Variants in EYS observed in about 807,000 individuals in gnomAD.
The protein encoded by EYS is EGF-like photoreceptor maintenance factor.
EYS carries 250 observed loss-of-function variants against 282.1 expected under a neutral mutation model. The observed-to-expected ratio is 0.89, with a 90% CI of 0.80 to 0.98. EYS has a LOEUF of 0.98. Among genes scored for constraint, EYS ranks in the 50% least tolerant of loss-of-function variants. EYS has a pLI of 0.00. For missense variants in EYS, 4,016 were observed against 3,709.0 expected (o/e 1.08, Z -2.15); for synonymous variants, 1,355 against 1,282.9 (o/e 1.06, Z -1.20).
intron 1 of EYS, among the ~76,000 whole-genome samples, chr6:65,702,534 A>C (rs1050840826): frequency 3.9e-5 from 6 of 152,110 alleles, no homozygotes; most frequent in African/African-American, 1.4e-4. Flanking sequence ...TCTACTAAAA[A>C]TACAAAAATT....
chr6:64,741,033 C>T (rs565655803), intron 22 of EYS, among the ~76,000 whole-genome samples: 1 of 152,228 alleles, frequency 6.6e-6, no homozygotes, highest in Admixed American at 6.5e-5. Flanking sequence ...TTAATGACAT[C>T]TAGCATGATG....
intron 13 of EYS, among the ~76,000 whole-genome samples, chr6:65,027,380 T>G (rs1772454220): frequency 6.6e-6 from 1 of 152,226 alleles, no homozygotes; most frequent in African/African-American, 2.4e-5. Context: ...TTAGCAGATT[T>G]GTGACAGTCT....
chr6:64,378,214 A>G (rs899801782), intron 29 of EYS, among the ~76,000 whole-genome samples: 13 of 152,190 alleles, frequency 8.5e-5, no homozygotes, highest in Non-Finnish European at 1.5e-5. Context: ...TGGAAGTATG[A>G]AAATAATTTT....
At chr6:65,121,072 A>T (rs148237590) in intron 12 of EYS, among the ~76,000 whole-genome samples, 37 of 151,086 alleles carry the variant, frequency 2.4e-4, no homozygotes, top group Non-Finnish European at 4.3e-4. Flanking sequence ...TGACTCTACT[A>T]CTTTCTCAGA....
At chr6:65,122,804 T>C (rs751490866) in intron 12 of EYS, among the ~76,000 whole-genome samples, 51 of 152,208 alleles carry the variant, frequency 3.4e-4, no homozygotes, top group Non-Finnish European at 6.6e-4. Flanking sequence ...ATATCAATTT[T>C]AGAAATAAAA....
intron 13 of EYS, among the ~76,000 whole-genome samples, chr6:65,055,307 A>G (rs551806113): frequency 6.6e-6 from 1 of 152,166 alleles, no homozygotes; most frequent in South Asian, 2.1e-4. Context: ...TTGAATCAGA[A>G]ATTATTTGCA....
chr6:64,945,786 T>C lies in EYS; in HGVS notation c.2381+7A>G, dbSNP rs1002514488. On this transcript the variant is annotated splice_region_variant and intron_variant, in intron 15 of 42. Transcript: ENST00000503581. ...TTCATGAAGAAAGCTAAAAATATGT[T>C]ACTCACCGATAGCTTTTGTAAAGGT... 6.5e-7 allele frequency: 1 copy of C among 1,548,622 alleles called. No homozygotes were observed. The highest frequency in any genetic ancestry group is 1.4e-5 in the African/African-American group (1 of 72,868).
chr6:65,062,712 T>TAACA (rs2150160433), intron 12 of EYS, among the ~76,000 whole-genome samples: 1 of 152,094 alleles, frequency 6.6e-6, no homozygotes, highest in South Asian at 2.1e-4. Flanking sequence ...GGTCTTGCTC[T>TAACA]AACAACTTCT....
chr6:64,175,164 A>G (rs1203678139), intron 31 of EYS, among the ~76,000 whole-genome samples: 1 of 152,120 alleles, frequency 6.6e-6, no homozygotes, highest in Non-Finnish European at 1.5e-5. Context: ...ATAATATCTG[A>G]TTCCTTGGGT....
At chr6:63,987,723 T>C (rs1375009129) in intron 34 of EYS, among the ~76,000 whole-genome samples, 4 of 151,610 alleles carry the variant, frequency 2.6e-5, no homozygotes, top group Admixed American at 6.6e-5. Flanking sequence ...GTATTACAGA[T>C]ACAATAAAAT....
intron 2 of EYS, among the ~76,000 whole-genome samples, chr6:65,500,480 A>C (rs1766411087): frequency 6.6e-6 from 1 of 151,976 alleles, no homozygotes; most frequent in East Asian, 1.9e-4. Context: ...TGATGCTATA[A>C]GCGCAGGTAG....
intron 16 of EYS, among the ~76,000 whole-genome samples, chr6:64,906,754 A>G (rs539332875): frequency 1.6e-3 from 242 of 152,334 alleles, no homozygotes; most frequent in Non-Finnish European, 2.9e-3. Context: ...TTGAAGACAT[A>G]CAAAGTAGCT....
At chr6:63,873,464 C>A (rs879217289) in intron 35 of EYS, among the ~76,000 whole-genome samples, 2 of 152,118 alleles carry the variant, frequency 1.3e-5, no homozygotes, top group Non-Finnish European at 2.9e-5. Context: ...AATAAACATA[C>A]ATGTGCATGT....
In EYS at chr6:65,495,077, C is replaced by G. The variant is rs112609906; in HGVS notation, c.334G>C (p.Val112Leu). The change falls in exon 4 of 43, where the codon GTT becomes CTT. Residue 112 changes from valine to leucine, a missense_variant. Transcript: ENST00000503581. ...NLMNVSETSF[V>L]GCVQNTTTED... ...GTTGTGGTATTTTGCACACAGCCAACGAAAGATGTTTCAGAAACATTCATC... is the reference window on the plus strand; with the variant it reads ...GTTGTGGTATTTTGCACACAGCCAAGGAAAGATGTTTCAGAAACATTCATC... 1.2e-4 allele frequency: 197 copies of G among 1,614,104 alleles called. No individual in the cohort carries two copies. In the East Asian group the frequency reaches 3.4e-3, roughly 28 times the overall value.
At chr6:65,160,505 G>A (rs1427504101) in intron 12 of EYS, among the ~76,000 whole-genome samples, 1 of 150,560 alleles carries the variant, frequency 6.6e-6, no homozygotes, top group Non-Finnish European at 1.5e-5. Flanking sequence ...TCAAAGTTGG[G>A]GGCACTTATC....
intron 21 of EYS, among the ~76,000 whole-genome samples, chr6:64,818,296 A>C (rs1764799771): frequency 6.6e-6 from 1 of 152,128 alleles, no homozygotes; most frequent in African/African-American, 2.4e-5. Flanking sequence ...CTCCCCAGGC[A>C]TGCATTTGCT....
chr6:65,153,528 A>G (rs1764666178), intron 12 of EYS, among the ~76,000 whole-genome samples: 1 of 147,732 alleles, frequency 6.8e-6, no homozygotes, highest in South Asian at 2.2e-4. Context: ...CTTATTTTTC[A>G]CCATATCTAC....
intron 10 of EYS, 36 bp downstream of exon 10, chr6:65,344,002 A>T: frequency 6.3e-7 from 1 of 1,578,170 alleles, no homozygotes; most frequent in Non-Finnish European, 8.7e-7. Flanking sequence ...CAAGCTAAAG[A>T]GAAAAATGAA....
chr6:64,711,184 T>C (rs746671545), intron 22 of EYS, among the ~76,000 whole-genome samples: 6 of 152,174 alleles, frequency 3.9e-5, no homozygotes, highest in Non-Finnish European at 8.8e-5. Context: ...CAATATTTGA[T>C]TTACAAGAAA....
Sources: gnomAD v4.1 joint callset for allele counts (sites outside exome capture counted in the v4.1 genomes callset) on GRCh38, gnomAD v4.1.1 for gene constraint, MANE v1.5 for transcripts, NCBI Gene and HGNC (gene_info 2026-07-23, HGNC 2026-07-21) for gene names.